Variants in IRAG1 observed in about 807,000 individuals in gnomAD.
IRAG1 encodes the protein inositol 1,4,5-triphosphate receptor associated 1.
Under a neutral mutation model 106.2 loss-of-function variants are expected in IRAG1, and 62 were observed. That is an observed-to-expected ratio of 0.58 (90% CI 0.48 to 0.72). The LOEUF (loss-of-function observed/expected upper bound fraction) is 0.72, where lower values mean the gene tolerates loss of function less well. IRAG1 is among the 30% of genes least tolerant of loss of function. The pLI is 0.00. For missense variants in IRAG1, 1,064 were observed against 1,140.7 expected, an observed-to-expected ratio of 0.93 and a Z score of 0.97; for synonymous variants, 462 against 443.9, an observed-to-expected ratio of 1.04 and a Z score of -0.51.
At chr11:10,618,595 T>C (rs1855603482) in intron 10 of IRAG1, among the ~76,000 whole-genome samples, 1 of 152,140 alleles carries the variant, frequency 6.6e-6, no homozygotes, top group Admixed American at 6.5e-5. Flanking sequence ...GATCCGAAGG[T>C]ACCAGCAAAC....
intron 16 of IRAG1, 101 bp from the exon 17 acceptor site, chr11:10,593,700 G>T (rs1302082927): frequency 1.1e-6 from 1 of 891,360 alleles, no homozygotes; most frequent in Admixed American, 2.5e-5. Context: ...TGCTGTAATG[G>T]CATTCACTGG....
At chr11:10,618,740 GC>G (rs1855613723) in intron 10 of IRAG1, among the ~76,000 whole-genome samples, 2 of 152,224 alleles carry the variant, frequency 1.3e-5, no homozygotes, top group African/African-American at 4.8e-5. Flanking sequence ...AGAATGAGCT[GC>G]CGAAGGCAGG....
At chr11:10,615,805 G>C (rs1855356283) in intron 10 of IRAG1, among the ~76,000 whole-genome samples, 1 of 151,872 alleles carries the variant, frequency 6.6e-6, no homozygotes, top group Middle Eastern at 3.4e-3. Context: ...ATGGGGGAGG[G>C]ATAGCATTAG....
chr11:10,678,701 G>A (rs1028255243), intron 1 of IRAG1, among the ~76,000 whole-genome samples: 2 of 152,158 alleles, frequency 1.3e-5, no homozygotes, highest in African/African-American at 4.8e-5. Flanking sequence ...GTTTAGAAAT[G>A]CCCTCTTGGT....
At chr11:10,590,041 G>T (rs75864980) in intron 18 of IRAG1, among the ~76,000 whole-genome samples, 4,094 of 152,260 alleles carry the variant, frequency 0.027, 77 homozygotes, top group African/African-American at 0.057. Flanking sequence ...TGGGAAAGGG[G>T]CTAGAGTTGA....
At chr11:10,648,289 G>A (rs1213862888) in intron 2 of IRAG1, among the ~76,000 whole-genome samples, 1 of 152,136 alleles carries the variant, frequency 6.6e-6, no homozygotes, top group Non-Finnish European at 1.5e-5. Flanking sequence ...ATTTGAACCT[G>A]GGAGACAGAG....
At chr11:10,644,306 G>A (rs1055241990) in intron 2 of IRAG1, among the ~76,000 whole-genome samples, 1 of 152,134 alleles carries the variant, frequency 6.6e-6, no homozygotes, top group Non-Finnish European at 1.5e-5. Flanking sequence ...ACCTTGGAGG[G>A]ATTAGACCAC....
chr11:10,646,647 G>A (rs1200375026), intron 2 of IRAG1, among the ~76,000 whole-genome samples: 1 of 152,168 alleles, frequency 6.6e-6, no homozygotes, highest in Non-Finnish European at 1.5e-5. Context: ...CGGGAGGGGA[G>A]GGGTGCAGAT....
intron 1 of IRAG1, among the ~76,000 whole-genome samples, chr11:10,667,870 G>C (rs1448629055): frequency 6.6e-6 from 1 of 152,178 alleles, no homozygotes; most frequent in African/African-American, 2.4e-5. Context: ...GCCCCTAAAG[G>C]GGAATCTGAT....
intron 14 of IRAG1, 55 bp from the exon 15 acceptor site, chr11:10,601,114 G>A: frequency 6.2e-7 from 1 of 1,604,704 alleles, no homozygotes; most frequent in East Asian, 2.2e-5. Flanking sequence ...GGCTCCGTTG[G>A]CACTTATTTG....
intron 10 of IRAG1, among the ~76,000 whole-genome samples, chr11:10,613,272 A>C (rs551017667): frequency 6.6e-6 from 1 of 152,154 alleles, no homozygotes; most frequent in African/African-American, 2.4e-5. Flanking sequence ...AAAAAAAAAA[A>C]AAAAAACCCA....
At chr11:10,594,718 A>G (rs1296114747) in intron 15 of IRAG1, among the ~76,000 whole-genome samples, 1 of 152,222 alleles carries the variant, frequency 6.6e-6, no homozygotes, top group African/African-American at 2.4e-5. Flanking sequence ...ATTAAGTGAT[A>G]TAACTCACGT....
At chr11:10,619,028 C>T (rs1855642460) in intron 10 of IRAG1, among the ~76,000 whole-genome samples, 1 of 152,142 alleles carries the variant, frequency 6.6e-6, no homozygotes, top group South Asian at 2.1e-4. Context: ...ATAATGGTAG[C>T]TGGGACAAGG....
chr11:10,595,992 C>T (rs957042357), intron 15 of IRAG1, among the ~76,000 whole-genome samples: 1 of 152,198 alleles, frequency 6.6e-6, no homozygotes, highest in African/African-American at 2.4e-5. Flanking sequence ...ATAAGGACCT[C>T]CAGCCCCACG....
chr11:10,613,172 A>C (rs893501669), intron 10 of IRAG1, among the ~76,000 whole-genome samples: 1 of 152,172 alleles, frequency 6.6e-6, no homozygotes, highest in Non-Finnish European at 1.5e-5. Context: ...GATATAACAG[A>C]AGAAAAATGT....
At chr11:10,649,297 A>C (rs1858256486) in intron 2 of IRAG1, among the ~76,000 whole-genome samples, 1 of 152,188 alleles carries the variant, frequency 6.6e-6, no homozygotes, top group Non-Finnish European at 1.5e-5. Context: ...GAAGAGGGTA[A>C]AAGAAAGTTG....
chr11:10,633,274 A>C (rs1483675328), intron 3 of IRAG1, among the ~76,000 whole-genome samples: 1 of 151,894 alleles, frequency 6.6e-6, no homozygotes, highest in Non-Finnish European at 1.5e-5. Context: ...ACGTGGTTTC[A>C]CTGTGTTAGC....
At chr11:10,584,548 A>AATATTTATATATAT (rs1851734394) in intron 18 of IRAG1, among the ~76,000 whole-genome samples, 1 of 98,580 alleles carries the variant, frequency 1.0e-5, no homozygotes, top group Admixed American at 1.2e-4. Context: ...TCTTTCATGA[A>AATATTTATATATAT]ATATATATAT....
rs868547969 is a variant in IRAG1 at position 10,582,730 on chromosome 11, C to T, written c.2241-744G>A. ...CAGCACTTTGGGAGGCCAAGGCGGG[C>T]GGATCACCTGAGATCAGGAGTTCGA... On this transcript the variant is annotated intron_variant, in intron 18 of 20. Transcript: ENST00000423302. Among the ~76,000 whole-genome samples the T allele has an allele frequency of 7.1e-4, 108 of 152,022 alleles. 2 individuals are homozygous for T. Among genetic ancestry groups the T allele is most frequent in the African/African-American group, 2.3e-3 (94 of 41,386 alleles).
Sources: allele counts gnomAD v4.1 joint callset (sites outside exome capture counted in the v4.1 genomes callset), GRCh38; gene constraint gnomAD v4.1.1; transcripts MANE v1.5; gene names NCBI Gene and HGNC (gene_info 2026-07-23, HGNC 2026-07-21).